Variants in SLC26A8 observed in about 807,000 individuals in gnomAD.
SLC26A8 encodes the protein testis anion transporter 1.
A neutral mutation model predicts 105.0 loss-of-function variants in SLC26A8; 70 were observed. That is an observed-to-expected ratio of 0.67 (90% CI 0.55 to 0.81). SLC26A8 has a LOEUF of 0.81. SLC26A8 is among the 40% of genes least tolerant of loss of function. SLC26A8 has a pLI of 0.00. For missense variants in SLC26A8, 998 were observed against 1,181.8 expected, an observed-to-expected ratio of 0.84 and a Z score of 2.28; for synonymous variants, 415 against 438.3, an observed-to-expected ratio of 0.95 and a Z score of 0.66.
chr6:35,997,429 TC>T (rs957962704), intron 5 of SLC26A8, among the ~76,000 whole-genome samples: 1 of 152,142 alleles, frequency 6.6e-6, no homozygotes, highest in African/African-American at 2.4e-5. Flanking sequence ...TTGCAACTGG[TC>T]CCCGGTTTCA....
At chr6:36,013,152 C>A (rs967272693) in intron 2 of SLC26A8, among the ~76,000 whole-genome samples, 8 of 151,338 alleles carry the variant, frequency 5.3e-5, no homozygotes, top group Non-Finnish European at 1.2e-4. Context: ...TAGATCTCAA[C>A]TAGGTGCAGT....
chr6:35,957,557 G>C (rs1012523079), intron 16 of SLC26A8, among the ~76,000 whole-genome samples: 13 of 151,924 alleles, frequency 8.6e-5, no homozygotes, highest in Non-Finnish European at 1.5e-4. Flanking sequence ...TGGCTCAGTG[G>C]CAGGGAGATG....
chr6:35,989,263 T>C (rs1211672580), intron 7 of SLC26A8, among the ~76,000 whole-genome samples: 1 of 152,252 alleles, frequency 6.6e-6, no homozygotes, highest in Non-Finnish European at 1.5e-5. Flanking sequence ...TATTTAATTT[T>C]TCCACATGGG....
At position 36,024,537 on chromosome 6, in the gene SLC26A8, T is replaced by C. The variant is rs1206505233; in HGVS notation, c.-36A>G. 3 of 423,174 alleles carry C rather than the reference T, an allele frequency of 7.1e-6. No homozygotes were observed. The highest frequency in any genetic ancestry group is 1.6e-4 in the East Asian group (2 of 12,684). 26.2% of individuals were successfully genotyped at this position (423,174 alleles called of 1,614,324 possible). ...TTGGCGGGGGCGGGAGTGCGGGCGCTGGGATCCCACACGGCTCTCGCCTGG... is the reference window on the plus strand; with the variant it reads ...TTGGCGGGGGCGGGAGTGCGGGCGCCGGGATCCCACACGGCTCTCGCCTGG... On this transcript the variant is annotated 5_prime_UTR_variant, in exon 1 of 20. Coordinates refer to ENST00000490799, the MANE Select transcript of SLC26A8 (RefSeq NM_052961.4).
intron 3 of SLC26A8, among the ~76,000 whole-genome samples, chr6:36,001,198 G>A (rs368200783): frequency 1.3e-5 from 2 of 151,702 alleles, no homozygotes; most frequent in South Asian, 2.1e-4. Flanking sequence ...GCGCGATCTC[G>A]GCTCCCCGCG....
chr6:35,944,127 T>C lies in SLC26A8; in HGVS notation c.2686A>G (p.Thr896Ala), dbSNP rs1367325207. 6.2e-7 allele frequency: 1 copy of C among 1,613,978 alleles called. No homozygotes were observed. Among genetic ancestry groups the C allele is most frequent in the Non-Finnish European group, 8.5e-7 (1 of 1,179,994 alleles). The part of the protein sequence containing the change: ...MEPKAETETK[T>A]QTEMEPQPET... Reference sequence around the variant, plus strand: ...GGCTGGGGCTCCATCTCGGTCTGGGTCTTGGTCTCGGTCTCAGCCTTGGGC... The same window carrying C: ...GGCTGGGGCTCCATCTCGGTCTGGGCCTTGGTCTCGGTCTCAGCCTTGGGC... The change falls in exon 20 of 20, where the codon ACC becomes GCC. Residue 896 changes from threonine (T) to alanine (A), a missense_variant. Coordinates refer to ENST00000490799, the MANE Select transcript of SLC26A8 (RefSeq NM_052961.4).
At chr6:35,976,432 A>G (rs949979631) in intron 9 of SLC26A8, among the ~76,000 whole-genome samples, 41 of 152,168 alleles carry the variant, frequency 2.7e-4, no homozygotes, top group African/African-American at 9.6e-4. Flanking sequence ...CTCAAAAAAA[A>G]AAAAAGGTCA....
At chr6:35,948,414 C>A (rs750124160) in intron 19 of SLC26A8, among the ~76,000 whole-genome samples, 2 of 152,046 alleles carry the variant, frequency 1.3e-5, no homozygotes, top group Non-Finnish European at 2.9e-5. Flanking sequence ...CATGGTGAAA[C>A]CTCGTCTCAA....
intron 2 of SLC26A8, among the ~76,000 whole-genome samples, chr6:36,015,301 C>G (rs879801470): frequency 2.0e-5 from 3 of 151,942 alleles, no homozygotes; most frequent in Non-Finnish European, 4.4e-5. Flanking sequence ...TTAGTAGAGA[C>G]GGGGTTTCAC....
At chr6:36,017,750 T>G (rs1287052992) in intron 2 of SLC26A8, among the ~76,000 whole-genome samples, 1 of 152,176 alleles carries the variant, frequency 6.6e-6, no homozygotes, top group African/African-American at 2.4e-5. Flanking sequence ...CAAAATTATA[T>G]AAGATTTACA....
intron 5 of SLC26A8, among the ~76,000 whole-genome samples, chr6:35,994,111 CTTTTCTTTTTT>C (rs1219717068): frequency 8.4e-6 from 1 of 118,536 alleles, no homozygotes; most frequent in African/African-American, 3.1e-5. Context: ...CTTTTTTTTT[CTTTTCTTTTTT>C]TTTTTTTTTT....
intron 2 of SLC26A8, among the ~76,000 whole-genome samples, chr6:36,015,205 C>T (rs1420191238): frequency 6.6e-6 from 1 of 151,500 alleles, no homozygotes; most frequent in African/African-American, 2.4e-5. Context: ...CATTCCGGTC[C>T]TGGTTCAAGC....
chr6:36,012,341 G>C lies in SLC26A8; in HGVS notation c.220C>G (p.Leu74Val). ...CATTCTAGGAAGGGAAAGATTGTAA[G>C]CACGCATCGTAGGAACCTGTGCCAT... ...CSWHRFLRCV[L>V]TIFPFLEWMC... The change falls in exon 3 of 20, where the codon CTT becomes GTT. Residue 74 changes from leucine to valine, a missense_variant. By Grantham distance (32) the Leu-to-Val change is conservative (BLOSUM62 1). Coordinates refer to ENST00000490799, the MANE Select transcript of SLC26A8 (RefSeq NM_052961.4). 1 of 1,604,602 alleles carries C rather than the reference G, an allele frequency of 6.2e-7. No individual in the cohort carries two copies. Among genetic ancestry groups the C allele is most frequent in the Non-Finnish European group, 8.5e-7 (1 of 1,176,856 alleles).
chr6:36,011,767 C>T (rs905641380), intron 3 of SLC26A8, among the ~76,000 whole-genome samples: 2 of 152,130 alleles, frequency 1.3e-5, no homozygotes, highest in African/African-American at 4.8e-5. Context: ...GTTACCAGGC[C>T]CCGCTAATTT....
intron 7 of SLC26A8, among the ~76,000 whole-genome samples, chr6:35,989,073 C>T (rs752073865): frequency 3.9e-5 from 6 of 152,060 alleles, no homozygotes; most frequent in Non-Finnish European, 7.4e-5. Flanking sequence ...ATCTCCTAAC[C>T]TCGTGATCCA....
At chr6:36,022,873 T>C (rs1762160169) in intron 1 of SLC26A8, among the ~76,000 whole-genome samples, 1 of 151,064 alleles carries the variant, frequency 6.6e-6, no homozygotes, top group South Asian at 2.1e-4. Flanking sequence ...CTCCTACTGT[T>C]GAGTAGGCCC....
rs71307460 is a variant in SLC26A8, at chr6:35,993,186, TG to T, written c.628-513del. Among the ~76,000 whole-genome samples the T allele has an allele frequency of 1.9e-4, 6 of 30,832 alleles. 1 individual carries two copies. The East Asian group carries it at 9.0e-3, about 46-fold the overall frequency. 20.2% of individuals were successfully genotyped at this position (30,832 alleles called of 152,430 possible). On this transcript the variant is annotated intron_variant, in intron 5 of 19. Coordinates refer to ENST00000490799, the MANE Select transcript of SLC26A8 (RefSeq NM_052961.4). ...TTTTTTTTTTTTTTTTGATAGAGAT[TG>T]GAGGGGGGGGTCTTGCTATATTACC... is the stretch of plus-strand genomic sequence containing the variant.
intron 5 of SLC26A8, among the ~76,000 whole-genome samples, chr6:35,994,039 AATC>A (rs1205573528): frequency 6.6e-6 from 1 of 152,116 alleles, no homozygotes; most frequent in Non-Finnish European, 1.5e-5. Context: ...TGGAACAATA[AATC>A]ATTTTGCTTT....
At chr6:35,995,867 T>C (rs1024300194) in intron 5 of SLC26A8, among the ~76,000 whole-genome samples, 23 of 152,138 alleles carry the variant, frequency 1.5e-4, no homozygotes, top group Non-Finnish European at 1.5e-4. Context: ...AAAGCATGCA[T>C]GAGGCCCCTT....
Sources: gnomAD v4.1 joint callset for allele counts (sites outside exome capture counted in the v4.1 genomes callset) on GRCh38, gnomAD v4.1.1 for gene constraint, MANE v1.5 for transcripts, NCBI Gene and HGNC (gene_info 2026-07-23, HGNC 2026-07-21) for gene names.